Variants in ATP2B2 observed in about 807,000 individuals in gnomAD.
The protein encoded by ATP2B2 is ATPase plasma membrane Ca2+ transporting 2.
In ATP2B2, 15 loss-of-function variants were observed where a neutral mutation model predicts 120.0. That is an observed-to-expected ratio of 0.12 (90% confidence interval 0.08 to 0.19). The LOEUF is 0.19. Ranked by LOEUF, ATP2B2 falls within the 10% of genes least tolerant of loss-of-function variation. The pLI is 1.00. For missense variants in ATP2B2, 1,045 were observed against 1,719.8 expected (o/e 0.61, Z 6.94); for synonymous variants, 694 against 700.3 (o/e 0.99, Z 0.14).
intron 1 of ATP2B2, among the ~76,000 whole-genome samples, chr3:10,624,166 C>A (rs1408596869): frequency 6.6e-6 from 1 of 152,142 alleles, no homozygotes; most frequent in Non-Finnish European, 1.5e-5. Context: ...TTAACTTGAC[C>A]TTGAAAACTT....
rs571911585 is a variant in ATP2B2 at position 10,703,367 on chromosome 3, G to A, written c.-460+4548C>T. Among the ~76,000 whole-genome samples, 11 of 152,292 alleles carry A rather than the reference G, an allele frequency of 7.2e-5. No individual in the cohort carries two copies. In the South Asian group the frequency reaches 2.1e-3, roughly 29 times the overall value. Reference sequence around the variant, plus strand: ...ACCTCCACATGGTCTTCCTTCTAGGGAATCAGTTAGTAGGCCCCCATTTGA... The same window carrying A: ...ACCTCCACATGGTCTTCCTTCTAGGAAATCAGTTAGTAGGCCCCCATTTGA... On this transcript the variant is annotated intron_variant, in intron 1 of 21. Coordinates refer to the ATP2B2 transcript ENST00000646379.
chr3:10,623,286 T>C (rs1226841934), intron 1 of ATP2B2, among the ~76,000 whole-genome samples: 1 of 152,164 alleles, frequency 6.6e-6, no homozygotes, highest in Non-Finnish European at 1.5e-5. Flanking sequence ...CTCAAACTCC[T>C]GGCTCAAGCA....
intron 3 of ATP2B2, among the ~76,000 whole-genome samples, chr3:10,522,755 C>T (rs1192325372): frequency 6.6e-6 from 1 of 152,120 alleles, no homozygotes; most frequent in African/African-American, 2.4e-5. Context: ...GGGCAGGTGT[C>T]CTGAACCTCC....
At chr3:10,567,811 G>A (rs1036905100) in intron 2 of ATP2B2, among the ~76,000 whole-genome samples, 14 of 152,082 alleles carry the variant, frequency 9.2e-5, no homozygotes, top group South Asian at 4.2e-4. Context: ...CTGAGACTGC[G>A]TTTCATCCAC....
chr3:10,421,774 G>A (rs1042695073), intron 2 of ATP2B2, among the ~76,000 whole-genome samples: 12 of 152,116 alleles, frequency 7.9e-5, no homozygotes, highest in South Asian at 2.1e-4. Flanking sequence ...ACCAAGCCAC[G>A]GGTCTGCATG....
At position 10,354,080 on chromosome 3, in the gene ATP2B2, C is replaced by T. The variant is rs566034818; in HGVS notation, c.2137-3503G>A. Among the ~76,000 whole-genome samples, 4 of 152,340 alleles carry T rather than the reference C, an allele frequency of 2.6e-5. No homozygotes were observed. In the East Asian group the frequency reaches 5.8e-4, roughly 22 times the overall value. On this transcript the variant is annotated intron_variant, in intron 14 of 22. Transcript: ENST00000360273. Reference sequence around the variant, plus strand: ...CATTCTGTCCCCTCTGCCTGGAATGCCCTTCCTCCCTTAGCCTCTGTGTGT... The same window carrying T: ...CATTCTGTCCCCTCTGCCTGGAATGTCCTTCCTCCCTTAGCCTCTGTGTGT...
chr3:10,350,467 A>G lies in ATP2B2; in HGVS notation c.2247T>C (p.His749=), dbSNP rs752189788. 3.1e-6 allele frequency: 5 copies of G among 1,614,192 alleles called. No homozygotes were observed. The South Asian group carries it at 3.3e-5, about 11-fold the overall frequency. The change falls in exon 15 of 23, where the codon CAT becomes CAC. Residue 749 remains histidine (H), a synonymous_variant. Transcript: ENST00000360273. The stretch of plus-strand genomic sequence containing the variant: ...CGAGGCACAGAAAGTCCTCCCCAGG[A>G]TGGATGATGCCACACTTGATGGCGA... The part of the protein sequence containing the change: ...RAIAIKCGII[H]PGEDFLCLEG...
At chr3:10,549,930 G>A (rs2067633002) in intron 2 of ATP2B2, among the ~76,000 whole-genome samples, 1 of 152,234 alleles carries the variant, frequency 6.6e-6, no homozygotes. Flanking sequence ...GAACTCAGGG[G>A]AGCCACATGG....
intron 5 of ATP2B2, among the ~76,000 whole-genome samples, chr3:10,389,475 G>A (rs1178061328): frequency 6.6e-6 from 1 of 152,208 alleles, no homozygotes; most frequent in Non-Finnish European, 1.5e-5. Flanking sequence ...TGAGGATACT[G>A]CAGTAAGTAA....
In ATP2B2 at chr3:10,328,120, T is replaced by TA. The variant is rs1189774024; in HGVS notation, c.*693_*694insT. 3 of 148,350 alleles carry TA rather than the reference T, an allele frequency of 2.0e-5. No individual in the cohort carries two copies. Among genetic ancestry groups the TA allele is most frequent in the South Asian group, 2.1e-4 (1 of 4,696 alleles). 9.2% of individuals were successfully genotyped at this position (148,350 alleles called of 1,614,324 possible). ...AACTTTATATATCCATGTATATATA[T>TA]TTATATATATATATATATATCTACC... On this transcript the variant is annotated 3_prime_UTR_variant, in exon 23 of 23. Transcript: ENST00000360273.
intron 1 of ATP2B2, among the ~76,000 whole-genome samples, chr3:10,674,580 C>A (rs999043644): frequency 6.6e-6 from 1 of 152,168 alleles, no homozygotes; most frequent in Non-Finnish European, 1.5e-5. Context: ...ATTTTTCTTT[C>A]TTTTATTTTG....
At chr3:10,464,926 G>C (rs146560808) in intron 1 of ATP2B2, among the ~76,000 whole-genome samples, 1 of 152,232 alleles carries the variant, frequency 6.6e-6, no homozygotes, top group Non-Finnish European at 1.5e-5. Flanking sequence ...CCAGTCAGAG[G>C]ACTCACCTTC....
intron 1 of ATP2B2, among the ~76,000 whole-genome samples, chr3:10,705,132 T>C (rs923713184): frequency 1.6e-4 from 24 of 152,320 alleles, no homozygotes; most frequent in African/African-American, 5.5e-4. Flanking sequence ...AGCAAATTCT[T>C]ATCAAGAGAA....
chr3:10,332,301 C>G (rs2060002432), intron 22 of ATP2B2: 1 of 457,772 alleles, frequency 2.2e-6, no homozygotes, highest in Non-Finnish European at 4.0e-6. Context: ...GGTACGGCGT[C>G]CAGAATGTGG....
intron 2 of ATP2B2, among the ~76,000 whole-genome samples, chr3:10,448,240 T>A (rs906937122): frequency 6.6e-6 from 1 of 152,228 alleles, no homozygotes; most frequent in Non-Finnish European, 1.5e-5. Flanking sequence ...CTCCTTAGAA[T>A]AATCATGGCT....
At chr3:10,418,468 T>A (rs555408486) in intron 2 of ATP2B2, among the ~76,000 whole-genome samples, 1 of 152,200 alleles carries the variant, frequency 6.6e-6, no homozygotes, top group African/African-American at 2.4e-5. Flanking sequence ...GCTCTTCCCA[T>A]GTGTGGGGCA....
chr3:10,328,940 C>T lies in ATP2B2; in HGVS notation c.3606G>A (p.Pro1202=), dbSNP rs377714027. The T allele has an allele frequency of 7.1e-5, 114 of 1,613,778 alleles. No homozygotes were observed. Among genetic ancestry groups the T allele is most frequent in the East Asian group, 1.1e-4 (5 of 44,858 alleles). Residue 1202 remains proline, a synonymous_variant, in exon 23 of 23, where the codon CCG becomes CCA. Coordinates refer to ENST00000360273, the MANE Select transcript of ATP2B2 (RefSeq NM_001001331.4). The part of the protein sequence containing the change: ...EDAALKQNSS[P]PSSLNKNNSA... ...TGTTGTTCTTGTTGAGGGATGACGGCGGGCTCGAGTTCTGCTTGAGCGCGG... is the reference window on the plus strand; with the variant it reads ...TGTTGTTCTTGTTGAGGGATGACGGTGGGCTCGAGTTCTGCTTGAGCGCGG...
intron 3 of ATP2B2, among the ~76,000 whole-genome samples, chr3:10,529,077 C>A (rs2067157964): frequency 1.3e-5 from 2 of 152,254 alleles, no homozygotes; most frequent in African/African-American, 2.4e-5. Flanking sequence ...TGTCTCTGTG[C>A]TACTTCCCAC....
intron 12 of ATP2B2, among the ~76,000 whole-genome samples, chr3:10,365,063 G>C (rs1443313983): frequency 1.3e-5 from 2 of 152,226 alleles, no homozygotes; most frequent in African/African-American, 2.4e-5. Context: ...TCTCATTTTA[G>C]AGTCATGCAC....
Sources: allele counts gnomAD v4.1 joint callset (sites outside exome capture counted in the v4.1 genomes callset), GRCh38; gene constraint gnomAD v4.1.1; transcripts MANE v1.5; gene names NCBI Gene and HGNC (gene_info 2026-07-23, HGNC 2026-07-21).